Variants in EXOC4 observed in about 807,000 individuals in gnomAD.
EXOC4 encodes the protein SEC8-like 1.
EXOC4 carries 71 observed loss-of-function variants against 107.2 expected under a neutral mutation model. The observed-to-expected ratio is 0.66, with a 90% CI of 0.55 to 0.81. The LOEUF (loss-of-function observed/expected upper bound fraction) is 0.81, where lower values mean the gene tolerates loss of function less well. Ranked by LOEUF, EXOC4 falls within the 30% of genes least tolerant of loss-of-function variation. EXOC4 has a pLI of 0.00. For missense variants in EXOC4, 1,108 were observed against 1,189.6 expected (o/e 0.93, Z 1.01); for synonymous variants, 456 against 441.2 (o/e 1.03, Z -0.42).
chr7:133,340,994 G>T (rs1177795136), intron 5 of EXOC4, among the ~76,000 whole-genome samples: 1 of 151,538 alleles, frequency 6.6e-6, no homozygotes, highest in Non-Finnish European at 1.5e-5. Context: ...TAATTTTTTT[G>T]TATTTTATTT....
chr7:133,440,387 TC>T (rs1798077757), intron 7 of EXOC4, among the ~76,000 whole-genome samples: 1 of 152,034 alleles, frequency 6.6e-6, no homozygotes, highest in African/African-American at 2.4e-5. Context: ...AATTCTGTCT[TC>T]CTTCCAAGTA....
intron 13 of EXOC4, among the ~76,000 whole-genome samples, chr7:133,934,312 A>G (rs1034527748): frequency 1.3e-5 from 2 of 152,178 alleles, no homozygotes; most frequent in Non-Finnish European, 2.9e-5. Context: ...TTTGTGTGAA[A>G]TGGTTATAGC....
chr7:133,810,521 T>A (rs1797196283), intron 10 of EXOC4, among the ~76,000 whole-genome samples: 1 of 152,166 alleles, frequency 6.6e-6, no homozygotes, highest in Non-Finnish European at 1.5e-5. Context: ...GGGCCTTTAG[T>A]TGAGAATCTG....
chr7:133,670,498 G>A (rs767131568), intron 10 of EXOC4, among the ~76,000 whole-genome samples: 2 of 152,176 alleles, frequency 1.3e-5, no homozygotes, highest in African/African-American at 2.4e-5. Flanking sequence ...TGGCTAGAGG[G>A]CGTCTGTTGA....
intron 9 of EXOC4, among the ~76,000 whole-genome samples, chr7:133,560,648 G>A (rs1310672555): frequency 6.6e-6 from 1 of 152,170 alleles, no homozygotes; most frequent in Non-Finnish European, 1.5e-5. Flanking sequence ...TTATGGTAAA[G>A]TGGGCTGGTG....
intron 9 of EXOC4, among the ~76,000 whole-genome samples, chr7:133,516,222 G>C (rs891661493): frequency 6.6e-6 from 1 of 152,098 alleles, no homozygotes; most frequent in African/African-American, 2.4e-5. Context: ...ATACCATACT[G>C]TTCACCCATT....
At chr7:133,414,514 A>G (rs750340229) in intron 7 of EXOC4, among the ~76,000 whole-genome samples, 6 of 152,148 alleles carry the variant, frequency 3.9e-5, no homozygotes, top group Non-Finnish European at 8.8e-5. Flanking sequence ...GACATGTACA[A>G]GGGTGTTCAT....
At chr7:133,367,079 TGAA>T (rs1796264429) in intron 6 of EXOC4, among the ~76,000 whole-genome samples, 1 of 152,042 alleles carries the variant, frequency 6.6e-6, no homozygotes. Context: ...GTAGAGAACA[TGAA>T]GAAGTAGATT....
intron 10 of EXOC4, among the ~76,000 whole-genome samples, chr7:133,643,698 A>T (rs141088601): frequency 1.3e-5 from 2 of 152,366 alleles, no homozygotes; most frequent in African/African-American, 4.8e-5. Flanking sequence ...ACAATACTTA[A>T]ATGCTGATAT....
chr7:133,719,977 C>T (rs529556349), intron 10 of EXOC4, among the ~76,000 whole-genome samples: 1 of 152,156 alleles, frequency 6.6e-6, no homozygotes, highest in South Asian at 2.1e-4. Context: ...GGACCTTATC[C>T]CACTGATTGT....
chr7:133,593,844 C>T (rs1268795367), intron 9 of EXOC4, among the ~76,000 whole-genome samples: 4 of 151,980 alleles, frequency 2.6e-5, no homozygotes, highest in Non-Finnish European at 4.4e-5. Flanking sequence ...AGAAGTAGAC[C>T]AGTTTTGTGT....
At chr7:133,484,245 T>TAA (rs1317539165) in intron 9 of EXOC4, 7 of 1,368,368 alleles carry the variant, frequency 5.1e-6, no homozygotes, top group Non-Finnish European at 5.8e-6. Context: ...CTCTAACTGT[T>TAA]ATGGTACAGA....
intron 9 of EXOC4, among the ~76,000 whole-genome samples, chr7:133,625,210 G>A (rs1286769581): frequency 1.3e-5 from 2 of 152,130 alleles, no homozygotes; most frequent in Non-Finnish European, 2.9e-5. Flanking sequence ...CAGTTAGATC[G>A]TTCTGTGTTT....
At chr7:133,901,600 C>A (rs1478263430) in intron 12 of EXOC4, among the ~76,000 whole-genome samples, 1 of 152,156 alleles carries the variant, frequency 6.6e-6, no homozygotes, top group Non-Finnish European at 1.5e-5. Context: ...AGCGTTATTT[C>A]AAAAATTGTC....
intron 10 of EXOC4, among the ~76,000 whole-genome samples, chr7:133,639,469 T>A (rs1802798940): frequency 6.6e-6 from 1 of 152,154 alleles, no homozygotes; most frequent in South Asian, 2.1e-4. Context: ...AAATCTTTTT[T>A]ATTTTCCTTT....
At chr7:133,950,631 C>T (rs1490839337) in intron 14 of EXOC4, among the ~76,000 whole-genome samples, 4 of 152,130 alleles carry the variant, frequency 2.6e-5, no homozygotes, top group Admixed American at 6.5e-5. Context: ...TACAGTCTTT[C>T]AATAGTGATA....
intron 9 of EXOC4, among the ~76,000 whole-genome samples, chr7:133,489,013 TATATA>T (rs59449606): frequency 0.77 from 114,138 of 147,604 alleles, 44,750 homozygotes; most frequent in East Asian, 0.95. Context: ...ATGAATCTAA[TATATA>T]ATATCTAATA....
chr7:133,591,102 G>A (rs371998040), intron 9 of EXOC4, among the ~76,000 whole-genome samples: 2 of 152,168 alleles, frequency 1.3e-5, no homozygotes, highest in Non-Finnish European at 2.9e-5. Context: ...ACCCTCTTCC[G>A]GAGTCCCACA....
chr7:133,888,948 C>A (rs1445419899), intron 11 of EXOC4, among the ~76,000 whole-genome samples: 1 of 152,168 alleles, frequency 6.6e-6, no homozygotes, highest in African/African-American at 2.4e-5. Flanking sequence ...GTACTTTGCA[C>A]TTGTAAGAAC....
Sources: allele counts gnomAD v4.1 joint callset (sites outside exome capture counted in the v4.1 genomes callset), GRCh38; gene constraint gnomAD v4.1.1; transcripts MANE v1.5; gene names NCBI Gene and HGNC (gene_info 2026-07-23, HGNC 2026-07-21).